The following MAGI3 variants were observed in gnomAD, a reference collection of about 807,000 sequenced individuals.
MAGI3 encodes the protein membrane-associated guanylate kinase, WW and PDZ domain-containing protein 3.
MAGI3 carries 43 observed loss-of-function variants against 121.8 expected under a neutral mutation model. The observed-to-expected ratio is 0.35, with a 90% CI of 0.28 to 0.46. MAGI3 has a LOEUF of 0.46. Among genes scored for constraint, MAGI3 ranks in the 20% least tolerant of loss-of-function variants. The probability of loss-of-function intolerance (pLI) is 1.00; values close to 1 mark genes in which losing one functional copy is unlikely to be tolerated. For missense variants in MAGI3, 1,547 were observed against 1,797.3 expected (o/e 0.86, Z 2.52); for synonymous variants, 553 against 639.3 (o/e 0.86, Z 2.04).
intron 1 of MAGI3, among the ~76,000 whole-genome samples, chr1:113,442,866 G>T (rs1328607688): frequency 6.6e-6 from 1 of 151,966 alleles, no homozygotes; most frequent in Non-Finnish European, 1.5e-5. Flanking sequence ...AGTTTAGATT[G>T]TTTAATGATT....
chr1:113,594,704 T>C (rs1570915502), intron 6 of MAGI3, 144 bp downstream of exon 6: 1 of 515,710 alleles, frequency 1.9e-6, no homozygotes, highest in Non-Finnish European at 3.4e-6. Flanking sequence ...CATAATCAAC[T>C]GATTGTGGTA....
chr1:113,567,749 C>T (rs1161733649), intron 2 of MAGI3, among the ~76,000 whole-genome samples: 1 of 151,916 alleles, frequency 6.6e-6, no homozygotes, highest in Non-Finnish European at 1.5e-5. Context: ...TAAAAGCTAA[C>T]ATTATGCTTA....
intron 1 of MAGI3, among the ~76,000 whole-genome samples, chr1:113,431,270 T>C (rs1653287210): frequency 6.6e-6 from 1 of 152,228 alleles, no homozygotes; most frequent in South Asian, 2.1e-4. Flanking sequence ...GTGAGCTATG[T>C]TCATGCCACT....
chr1:113,671,931 T>C, intron 17 of MAGI3, 95 bp downstream of exon 17: 1 of 1,081,626 alleles, frequency 9.2e-7, no homozygotes. Flanking sequence ...TCCACCCCCA[T>C]GCAGTAATGC....
intron 1 of MAGI3, among the ~76,000 whole-genome samples, chr1:113,506,597 C>G (rs2101603778): frequency 6.6e-6 from 1 of 152,306 alleles, no homozygotes; most frequent in East Asian, 1.9e-4. Context: ...TATATTAAAT[C>G]CTTTTATCCT....
At position 113,632,876 on chromosome 1, in the gene MAGI3, CTTTTG is replaced by C. The variant is rs550790575; in HGVS notation, c.1361-9026_1361-9022del. ...TTTTAAAGTACATTGTTAGCAATGG[CTTTTG>C]TTTTGTTTAGTTTTTTAGTTTTTTT... On this transcript the variant is annotated intron_variant, in intron 9 of 20. Transcript: ENST00000307546. Among the ~76,000 whole-genome samples, 21 of 150,134 alleles carry C rather than the reference CTTTTG, an allele frequency of 1.4e-4. No individual in the cohort carries two copies. The South Asian group carries it at 2.0e-3, about 14-fold the overall frequency.
intron 6 of MAGI3, among the ~76,000 whole-genome samples, chr1:113,604,565 CAAAAAAAAAAAAAA>C (rs59047770): frequency 3.2e-5 from 2 of 62,008 alleles, no homozygotes; most frequent in East Asian, 9.0e-4. Context: ...GTCTCCATCT[CAAAAAAAAAAAAAA>C]AAAAAAAAAA....
At chr1:113,517,061 C>T (rs569111555) in intron 1 of MAGI3, among the ~76,000 whole-genome samples, 1 of 151,774 alleles carries the variant, frequency 6.6e-6, no homozygotes, top group East Asian at 1.9e-4. Context: ...TAAGGGAAGC[C>T]TAAGGAAATA....
intron 9 of MAGI3, among the ~76,000 whole-genome samples, chr1:113,641,259 T>G (rs189397947): frequency 1.3e-5 from 2 of 149,206 alleles, no homozygotes; most frequent in East Asian, 3.9e-4. Flanking sequence ...GCTGAGGTGA[T>G]CAGGTAATCA....
intron 14 of MAGI3, among the ~76,000 whole-genome samples, chr1:113,653,396 A>AC (rs1446571395): frequency 6.6e-6 from 1 of 151,960 alleles, no homozygotes; most frequent in African/African-American, 2.4e-5. Flanking sequence ...ATATGGTGAA[A>AC]CCCCATCTCT....
chr1:113,599,493 CACAT>C (rs1649232524), intron 6 of MAGI3, among the ~76,000 whole-genome samples: 1 of 152,028 alleles, frequency 6.6e-6, no homozygotes, highest in African/African-American at 2.4e-5. Context: ...AATTCCTCGA[CACAT>C]ACACCCTCCC....
In MAGI3 at chr1:113,585,594, C is replaced by T. The variant is rs1270521798; in HGVS notation, c.761C>T (p.Ala254Val). The T allele has an allele frequency of 1.9e-6, 3 of 1,611,648 alleles. No individual in the cohort carries two copies. Among genetic ancestry groups the T allele is most frequent in the Non-Finnish European group, 2.5e-6 (3 of 1,178,382 alleles). Reference protein sequence around the residue: ...DKEAINGSGNAENRERHSESS... With the variant: ...DKEAINGSGNVENRERHSESS... ...GAAGCTATTAATGGCAGTGGAAACG[C>T]AGGTTTGTAAATAGATGAACAACTT... The change falls in exon 4 of 21, where the codon GCA (alanine) becomes GTA (valine). Residue 254 changes from alanine (A) to valine (V), a missense_variant and splice_region_variant. Ala to Val is a moderately conservative substitution (Grantham distance 64). Transcript: ENST00000307546.
chr1:113,608,903 T>G (rs1649955519), intron 6 of MAGI3, among the ~76,000 whole-genome samples: 1 of 152,188 alleles, frequency 6.6e-6, no homozygotes, highest in Non-Finnish European at 1.5e-5. Flanking sequence ...GTATCCCCTT[T>G]TATTCTCAAA....
intron 1 of MAGI3, among the ~76,000 whole-genome samples, chr1:113,405,296 G>A (rs367676664): frequency 1.6e-4 from 24 of 151,760 alleles, no homozygotes; most frequent in African/African-American, 4.8e-4. Context: ...GCTACATGGC[G>A]GAACCCCATC....
intron 1 of MAGI3, among the ~76,000 whole-genome samples, chr1:113,490,206 T>G (rs938163087): frequency 6.6e-6 from 1 of 152,170 alleles, no homozygotes; most frequent in Non-Finnish European, 1.5e-5. Flanking sequence ...AGAAACCTTA[T>G]AAGCCAGAAG....
chr1:113,574,354 A>C (rs1467794150), intron 2 of MAGI3, among the ~76,000 whole-genome samples: 1 of 151,916 alleles, frequency 6.6e-6, no homozygotes, highest in African/African-American at 2.4e-5. Context: ...TCCATATTTA[A>C]TGCTTCCTTC....
chr1:113,519,431 T>G (rs973548789), intron 1 of MAGI3, among the ~76,000 whole-genome samples: 14 of 152,180 alleles, frequency 9.2e-5, no homozygotes, highest in Non-Finnish European at 4.4e-5. Flanking sequence ...TTTATGGAAA[T>G]CTGTTAAATG....
At chr1:113,543,125 C>T (rs1032399273) in intron 1 of MAGI3, among the ~76,000 whole-genome samples, 6 of 152,064 alleles carry the variant, frequency 3.9e-5, no homozygotes, top group Admixed American at 3.9e-4. Flanking sequence ...GTTCTTGTCT[C>T]ATTCCTATGC....
intron 1 of MAGI3, among the ~76,000 whole-genome samples, chr1:113,536,865 A>G (rs1366398927): frequency 6.6e-6 from 1 of 152,136 alleles, no homozygotes; most frequent in African/African-American, 2.4e-5. Flanking sequence ...TCTCAAATCC[A>G]TCTCCTTTTC....
Sources: gnomAD v4.1 joint callset for allele counts (sites outside exome capture counted in the v4.1 genomes callset) on GRCh38, gnomAD v4.1.1 for gene constraint, MANE v1.5 for transcripts, NCBI Gene and HGNC (gene_info 2026-07-23, HGNC 2026-07-21) for gene names.